The following CORO7 variants were observed in gnomAD, a reference collection of about 807,000 sequenced individuals.
CORO7 encodes coronin-7.
A neutral mutation model predicts 126.6 loss-of-function variants in CORO7; 107 were observed. The observed-to-expected ratio is 0.85, with a 90% CI of 0.72 to 0.99. CORO7 has a LOEUF of 0.99. Ranked by LOEUF, CORO7 falls within the 50% of genes least tolerant of loss-of-function variation. The pLI, the probability that CORO7 is intolerant of heterozygous loss-of-function variation, is 0.00. For synonymous variants in CORO7, 603 were observed against 536.8 expected (o/e 1.12, Z -1.70); for missense variants, 1,314 against 1,255.8 (o/e 1.05, Z -0.70).
chr16:4,381,809 C>T lies in CORO7; in HGVS notation c.785+6177G>A, dbSNP rs150951667. 12 of 1,600,330 alleles carry T rather than the reference C, an allele frequency of 7.5e-6. No individual in the cohort carries two copies. Among genetic ancestry groups the T allele is most frequent in the Admixed American group, 5.0e-5 (3 of 59,936 alleles). ...GTGTGCCCCCTGAGCTGGTTTGGCC[C>T]CTGGGTGCGCGAGAGCCACGTCACA... is the stretch of plus-strand genomic sequence containing the variant. On this transcript the variant is annotated intron_variant, in intron 9 of 27. Transcript: ENST00000251166.
intron 21 of CORO7, among the ~76,000 whole-genome samples, chr16:4,359,957 C>A (rs1416523560): frequency 7.6e-6 from 1 of 131,714 alleles, no homozygotes; most frequent in East Asian, 2.3e-4. Context: ...AAACATCCCT[C>A]CATCTCCCCT....
At chr16:4,376,450 C>T (rs1023825480) in intron 9 of CORO7, among the ~76,000 whole-genome samples, 2 of 152,180 alleles carry the variant, frequency 1.3e-5, no homozygotes, top group Non-Finnish European at 2.9e-5. Flanking sequence ...CCTGCACCCA[C>T]GCTGAAGCAT....
intron 5 of CORO7, among the ~76,000 whole-genome samples, 188 bp from the exon 6 acceptor site, chr16:4,405,755 C>T (rs1240884650): frequency 6.6e-6 from 1 of 152,218 alleles, no homozygotes; most frequent in Non-Finnish European, 1.5e-5. Flanking sequence ...GCTTCCTTCA[C>T]CCCACCTTTG....
chr16:4,382,809 C>G (rs963698851), intron 9 of CORO7: 1 of 1,594,248 alleles, frequency 6.3e-7, no homozygotes, highest in Non-Finnish European at 8.5e-7. Context: ...GTGGAGAGGC[C>G]CTGCCCAGCG....
chr16:4,359,014 C>T (rs2054071565), intron 23 of CORO7: 1 of 496,498 alleles, frequency 2.0e-6, no homozygotes, highest in Admixed American at 3.9e-5. Flanking sequence ...TGGGCTCAAG[C>T]AATTCTCCTG....
rs1004032427 is a variant in CORO7, at chr16:4,388,656, G to C, written c.616-25C>G. On this transcript the variant is annotated intron_variant, in intron 7 of 27. Coordinates refer to ENST00000251166, the MANE Select transcript of CORO7 (RefSeq NM_024535.5). ...TCTGCAGGAGGCAAGAGGTGGACCT[G>C]AGCCCCCAGGGCCCTGCTGGTGGGC... The C allele has an allele frequency of 1.9e-6, 3 of 1,601,596 alleles. No homozygotes were observed. In the East Asian group the frequency reaches 6.7e-5, roughly 36 times the overall value.
At chr16:4,391,822 G>A (rs2055403167) in intron 7 of CORO7, among the ~76,000 whole-genome samples, 1 of 152,240 alleles carries the variant, frequency 6.6e-6, no homozygotes, top group Admixed American at 6.5e-5. Flanking sequence ...TGGGACCCAG[G>A]CATCCTGCTA....
intron 6 of CORO7, among the ~76,000 whole-genome samples, chr16:4,396,282 G>C (rs1002262309): frequency 6.6e-6 from 1 of 152,120 alleles, no homozygotes; most frequent in Admixed American, 6.5e-5. Context: ...GTTTCACCAT[G>C]TTGGCAGGCC....
At position 4,407,502 on chromosome 16, in the gene CORO7, T is replaced by A. The variant is rs2056043669; in HGVS notation, c.486A>T (p.Thr162=). ...VWDAAKQQPL[T]ELAAHGDLVQ... Reference sequence around the variant, plus strand: ...AGGGCAGGCCAGGGTGGCCTGTACCTGTCAGGGGCTGCTGCTTGGCTGCGT... The same window carrying A: ...AGGGCAGGCCAGGGTGGCCTGTACCAGTCAGGGGCTGCTGCTTGGCTGCGT... Residue 162 remains threonine, a splice_region_variant and synonymous_variant, in exon 5 of 28, where the codon ACA becomes ACT. Transcript: ENST00000251166. 1.3e-6 allele frequency: 2 copies of A among 1,565,428 alleles called. No homozygotes were observed. The highest frequency in any genetic ancestry group is 1.7e-6 in the Non-Finnish European group (2 of 1,155,184).
intron 9 of CORO7, among the ~76,000 whole-genome samples, chr16:4,383,934 CG>C (rs1370432300): frequency 1.3e-5 from 2 of 152,198 alleles, no homozygotes; most frequent in Non-Finnish European, 2.9e-5. Flanking sequence ...TGGATGGTCC[CG>C]GGAGCAAGTG....
At chr16:4,380,465 C>A (rs1250960177) in intron 9 of CORO7, among the ~76,000 whole-genome samples, 1 of 152,262 alleles carries the variant, frequency 6.6e-6, no homozygotes, top group Non-Finnish European at 1.5e-5. Context: ...ACCCACCCAG[C>A]TGCCTGCCTG....
Position 4,362,024 on chromosome 16 carries a change from C to A in CORO7, c.1539G>T (p.Val513=), listed in dbSNP as rs762463996. The change falls in exon 16 of 28, where the codon GTG becomes GTT. Residue 513 remains valine (V), a synonymous_variant. Transcript: ENST00000251166. The surrounding 1 kb of genome is among the most constrained non-coding windows in gnomAD (Gnocchi z 5.3). ...GFCANKLRVA[V]PLLSSGGQVA... ...CCTGTCCCCCGCTGCTGAGCAGCGG[C>A]ACGGCCACACGCAGCTTGTTGGCAC... 8 of 1,612,482 alleles carry A rather than the reference C, an allele frequency of 5.0e-6. No individual in the cohort carries two copies. The highest frequency in any genetic ancestry group is 1.7e-4 in the Middle Eastern group (1 of 6,060).
chr16:4,403,488 A>G (rs1047440347), intron 6 of CORO7, among the ~76,000 whole-genome samples: 1 of 152,132 alleles, frequency 6.6e-6, no homozygotes, highest in Non-Finnish European at 1.5e-5. Context: ...GAGTCGTTCC[A>G]CTAAGCATCA....
At chr16:4,412,283 G>A (rs2056240590) in intron 3 of CORO7, 73 bp downstream of exon 3, 2 of 1,540,072 alleles carry the variant, frequency 1.3e-6, no homozygotes, top group Non-Finnish European at 9.0e-7. Flanking sequence ...GGGACCAGGT[G>A]AGGATGAATT....
chr16:4,416,423 C>T (rs1356562522), intron 1 of CORO7, 36 bp downstream of exon 1: 34 of 1,537,052 alleles, frequency 2.2e-5, no homozygotes, highest in Non-Finnish European at 2.5e-5. Flanking sequence ...GGACGGGGCC[C>T]GAGGCGACAG....
intron 9 of CORO7, among the ~76,000 whole-genome samples, chr16:4,375,524 G>A (rs536917937): frequency 6.6e-6 from 1 of 152,338 alleles, no homozygotes; most frequent in East Asian, 1.9e-4. Context: ...GTATTGCTCT[G>A]TCACCCAGGC....
rs115282535 is a variant in CORO7 at position 4,385,356 on chromosome 16, G to A, written c.785+2630C>T. Among the ~76,000 whole-genome samples, 1,002 of 152,204 alleles carry A rather than the reference G, an allele frequency of 6.6e-3. 6 individuals carry two copies. Among genetic ancestry groups the A allele is most frequent in the Middle Eastern group, 0.031 (9 of 294 alleles). ...ACGGGTGGGGCTGCCGGCCACGCGG[G>A]AGGGCTTAGGGCCACTGTGAGCTAC... On this transcript the variant is annotated intron_variant, in intron 9 of 27. Coordinates refer to ENST00000251166, the MANE Select transcript of CORO7 (RefSeq NM_024535.5).
chr16:4,380,726 G>A (rs2054926126), intron 9 of CORO7: 2 of 898,506 alleles, frequency 2.2e-6, no homozygotes, highest in South Asian at 3.7e-5. Context: ...CTGGGTCGGG[G>A]CACTGGCGAC....
chr16:4,388,437 C>T, intron 8 of CORO7, 108 bp downstream of exon 8: 1 of 1,271,142 alleles, frequency 7.9e-7, no homozygotes, highest in Non-Finnish European at 1.1e-6. Flanking sequence ...ATGGACAGGC[C>T]TGGAACTGGC....
Sources: gnomAD v4.1 joint callset for allele counts (sites outside exome capture counted in the v4.1 genomes callset) on GRCh38, gnomAD v4.1.1 for gene constraint, Gnocchi (gnomAD v3.1) non-coding constraint, MANE v1.5 for transcripts, NCBI Gene and HGNC (gene_info 2026-07-23, HGNC 2026-07-21) for gene names.